Variants in USP9X observed in about 807,000 individuals in gnomAD.
The protein encoded by USP9X is ubiquitin carboxyl-terminal hydrolase 9X.
In USP9X, 7 loss-of-function variants were observed where a neutral mutation model predicts 190.3. That is an observed-to-expected ratio of 0.04 (90% confidence interval 0.02 to 0.07). USP9X has a LOEUF of 0.07. Among genes scored for constraint, USP9X ranks in the 10% least tolerant of loss-of-function variants. USP9X has a pLI of 1.00. For synonymous variants in USP9X, 645 were observed against 659.5 expected, an observed-to-expected ratio of 0.98 and a Z score of 0.34; for missense variants, 1,010 against 1,916.9, an observed-to-expected ratio of 0.53 and a Z score of 8.83.
chrX:41,167,823 T>C (rs778679844), intron 17 of USP9X, among the ~76,000 whole-genome samples, 184 bp from the exon 18 acceptor site: 46 of 112,566 alleles, frequency 4.1e-4, no homozygotes, highest in African/African-American at 1.4e-3. Flanking sequence ...TGTTAACTTA[T>C]GTAATGCTAG....
chrX:41,125,682 A>ACTCTCTCTCTCT (rs1477045514), intron 2 of USP9X, among the ~76,000 whole-genome samples: 21 of 22,833 alleles, frequency 9.2e-4, no homozygotes, highest in South Asian at 2.1e-3. Context: ...ACACACACAC[A>ACTCTCTCTCTCT]CACTCTCTCT....
At chrX:41,185,369 C>T (rs2062864511) in intron 23 of USP9X, among the ~76,000 whole-genome samples, 1 of 110,667 alleles carries the variant, frequency 9.0e-6, no homozygotes, top group Non-Finnish European at 1.9e-5. Context: ...AAGGAAGAGC[C>T]CCCTATATTT....
At chrX:41,185,837 G>A (rs974588440) in intron 23 of USP9X, among the ~76,000 whole-genome samples, 1 of 110,787 alleles carries the variant, frequency 9.0e-6, no homozygotes, top group Admixed American at 9.6e-5. Context: ...GGATACAGAG[G>A]TACATAATAA....
chrX:41,193,756 AG>A (rs1405348006), intron 26 of USP9X, among the ~76,000 whole-genome samples: 2 of 111,310 alleles, frequency 1.8e-5, no homozygotes, highest in Non-Finnish European at 3.8e-5. Context: ...TGAACCCAAG[AG>A]TTTGAGGTTA....
chrX:41,190,742 C>T (rs1194346557), intron 26 of USP9X, among the ~76,000 whole-genome samples: 1 of 111,169 alleles, frequency 9.0e-6, no homozygotes, highest in South Asian at 3.8e-4. Context: ...TGCCCTCTAC[C>T]CTTTATGAAA....
In USP9X at chrX:41,136,784, C is replaced by T; in HGVS notation, c.436-20C>T. On this transcript the variant is annotated intron_variant, in intron 5 of 44. Coordinates refer to ENST00000378308, the MANE Select transcript of USP9X (RefSeq NM_001039591.3). ...GCAGTGTTTTGATCTTGTAAATCGCCTTTCCCCCTTGTATAACAGAGGTGT... is the reference window on the plus strand; with the variant it reads ...GCAGTGTTTTGATCTTGTAAATCGCTTTTCCCCCTTGTATAACAGAGGTGT... The T allele has an allele frequency of 8.6e-7, 1 of 1,160,399 alleles. No homozygotes were observed. The highest frequency in any genetic ancestry group is 1.2e-6 in the Non-Finnish European group (1 of 851,282).
At position 41,198,477 on chromosome X, in the gene USP9X, T is replaced by C. The variant is rs181068953; in HGVS notation, c.4381-51T>C. The C allele has an allele frequency of 2.5e-5, 24 of 977,575 alleles. No individual in the cohort carries two copies. The Admixed American group carries it at 5.4e-4, about 22-fold the overall frequency. 80.6% of individuals were successfully genotyped at this position (977,575 alleles called of 1,213,427 possible). On this transcript the variant is annotated intron_variant, in intron 29 of 44. Coordinates refer to ENST00000378308, the MANE Select transcript of USP9X (RefSeq NM_001039591.3). ...TTTACTTACAAGAGAACTTTTTTTT[T>C]CTAAAAATATATAGCATTGCTAATA...
Position 41,186,569 on chromosome X carries a change from G to A in USP9X, c.3611G>A (p.Ser1204Asn). The change falls in exon 24 of 45, where the codon AGC becomes AAC. Residue 1204 changes from serine to asparagine, a missense_variant. By Grantham distance (46) the Ser-to-Asn change is conservative. Transcript: ENST00000378308. ...QAVVLQSALQSIPNPSSECML... is the reference protein window; with the variant it reads ...QAVVLQSALQNIPNPSSECML... ...GTGGTGCTACAAAGTGCCCTTCAGA[G>A]CATTCCTAATCCATCATCCGAGTGC... 8.3e-7 allele frequency: 1 copy of A among 1,211,182 alleles called. No individual in the cohort carries two copies. The highest frequency in any genetic ancestry group is 1.1e-6 in the Non-Finnish European group (1 of 895,052).
chrX:41,103,679 A>G (rs927341621), intron 1 of USP9X, among the ~76,000 whole-genome samples: 5 of 112,369 alleles, frequency 4.4e-5, no homozygotes, highest in Non-Finnish European at 9.4e-5. Flanking sequence ...TCATTTCTGC[A>G]TTTATTTAAG....
chrX:41,176,912 T>A (rs965466826), intron 21 of USP9X, among the ~76,000 whole-genome samples: 1 of 112,475 alleles, frequency 8.9e-6, no homozygotes, highest in African/African-American at 3.2e-5. Flanking sequence ...TTTCTTCTTT[T>A]TCCAGCATCA....
rs2063299263 is a variant in USP9X, at chrX:41,224,875, T to C, written c.6885T>C (p.Asn2295=). The C allele has an allele frequency of 1.7e-6, 2 of 1,211,919 alleles. No homozygotes were observed. Among genetic ancestry groups the C allele is most frequent in the East Asian group, 3.0e-5 (1 of 33,860 alleles). Reference sequence around the variant, plus strand: ...AGAAAATCATTGAAGACTGCAGTAATTCAGAGGAAACCGTCAAATTGCTTC... The same window carrying C: ...AGAAAATCATTGAAGACTGCAGTAACTCAGAGGAAACCGTCAAATTGCTTC... ...YVKKIIEDCS[N]SEETVKLLRF... Residue 2295 remains asparagine, a synonymous_variant, in exon 40 of 45, where the codon AAT becomes AAC. Transcript: ENST00000378308.
In USP9X at chrX:41,184,406, G is replaced by A; in HGVS notation, c.3289G>A (p.Ala1097Thr). The A allele has an allele frequency of 8.3e-7, 1 of 1,209,583 alleles. No individual in the cohort carries two copies. ...QVLYLTEVVY[A>T]LLMPAGAPLA... ...TTCTCTATTTTTCCAGGTAGTCTAT[G>A]CCTTGTTAATGCCTGCTGGTGCACC... The change falls in exon 23 of 45, where the codon GCC (alanine) becomes ACC (threonine). Residue 1097 changes from alanine (A) to threonine (T), a missense_variant. Transcript: ENST00000378308.
At chrX:41,109,216 A>C (rs2062091316) in intron 1 of USP9X, among the ~76,000 whole-genome samples, 1 of 112,338 alleles carries the variant, frequency 8.9e-6, no homozygotes, top group Admixed American at 9.5e-5. Context: ...TTTTAAAAAA[A>C]TAATTTTCAC....
At chrX:41,109,930 A>G (rs1478843175) in intron 1 of USP9X, among the ~76,000 whole-genome samples, 1 of 112,039 alleles carries the variant, frequency 8.9e-6, no homozygotes. Context: ...CAAAGGCCAC[A>G]TTTTAAAATA....
At chrX:41,192,338 C>G (rs911989084) in intron 26 of USP9X, among the ~76,000 whole-genome samples, 1 of 111,987 alleles carries the variant, frequency 8.9e-6, no homozygotes, top group African/African-American at 3.2e-5. Flanking sequence ...GACCTCTGTT[C>G]CTGTTAGATG....
chrX:41,192,469 G>A (rs2062945603), intron 26 of USP9X, among the ~76,000 whole-genome samples: 1 of 111,680 alleles, frequency 9.0e-6, no homozygotes, highest in Non-Finnish European at 1.9e-5. Flanking sequence ...TTTATTCCCT[G>A]CCTAGTTAAC....
chrX:41,162,145 T>G (rs1446952394), intron 14 of USP9X, among the ~76,000 whole-genome samples: 4 of 112,107 alleles, frequency 3.6e-5, no homozygotes, highest in African/African-American at 9.7e-5. Flanking sequence ...CATCAATGTT[T>G]TGAAGAATTT....
At chrX:41,208,718 G>C (rs754023943) in intron 32 of USP9X, among the ~76,000 whole-genome samples, 42 of 108,447 alleles carry the variant, frequency 3.9e-4, no homozygotes, top group South Asian at 7.9e-4. Flanking sequence ...TTTGTTTTTT[G>C]TTTTTTTGAG....
intron 31 of USP9X, among the ~76,000 whole-genome samples, chrX:41,204,636 A>G (rs1387311320): frequency 9.0e-6 from 1 of 111,643 alleles, no homozygotes; most frequent in Non-Finnish European, 1.9e-5. Context: ...CAGTAGTCCA[A>G]TGAGATTATA....
Sources: allele counts gnomAD v4.1 joint callset (sites outside exome capture counted in the v4.1 genomes callset), GRCh38; gene constraint gnomAD v4.1.1; transcripts MANE v1.5; gene names NCBI Gene and HGNC (gene_info 2026-07-23, HGNC 2026-07-21).